The following RNF169 variants were observed in gnomAD, a reference collection of about 807,000 sequenced individuals.
The protein encoded by RNF169 is E3 ubiquitin-protein ligase RNF169.
A neutral mutation model predicts 53.9 loss-of-function variants in RNF169; 24 were observed. That is an observed-to-expected ratio of 0.45 (90% CI 0.32 to 0.63). RNF169 has a LOEUF of 0.63. RNF169 is among the 20% of genes least tolerant of loss of function. RNF169 has a pLI of 0.04. For synonymous variants in RNF169, 396 were observed against 363.5 expected, an observed-to-expected ratio of 1.09 and a Z score of -1.02; for missense variants, 883 against 906.2, an observed-to-expected ratio of 0.97 and a Z score of 0.33.
intron 1 of RNF169, among the ~76,000 whole-genome samples, chr11:74,765,238 A>G (rs1402684121): frequency 6.6e-6 from 1 of 152,160 alleles, no homozygotes; most frequent in Non-Finnish European, 1.5e-5. Context: ...GAAAAGAAAT[A>G]CAATATATAA....
rs2036265509 is a variant in RNF169, at chr11:74,836,867, T to A, written c.*137T>A. 6 of 664,562 alleles carry A rather than the reference T, an allele frequency of 9.0e-6. No individual in the cohort carries two copies. In the East Asian group the frequency reaches 1.7e-4, roughly 19 times the overall value. The allele number at this position is 664,562 out of a possible 1,614,324, so 41.2% of individuals were successfully genotyped here. A position where few individuals can be genotyped will look rare whatever the true frequency, so the allele number is the denominator to read the frequency against. On this transcript the variant is annotated 3_prime_UTR_variant, in exon 6 of 6. Transcript: ENST00000299563. ...ATGGTTCTGAGAGGTTCCAGGGCCT[T>A]TGTAGTCAATATCCAAGGGAAAAGC... is the stretch of plus-strand genomic sequence containing the variant.
chr11:74,788,406 T>G (rs2035535321), intron 1 of RNF169, among the ~76,000 whole-genome samples: 1 of 152,162 alleles, frequency 6.6e-6, no homozygotes, highest in African/African-American at 2.4e-5. Context: ...TTGATTTTTG[T>G]TTTTGAAACA....
chr11:74,781,001 T>A, intron 1 of RNF169, among the ~76,000 whole-genome samples: 1 of 152,212 alleles, frequency 6.6e-6, no homozygotes, highest in East Asian at 1.9e-4. Context: ...CCCCGCTACC[T>A]AGCTCCCAGG....
At chr11:74,772,699 G>T (rs2035278104) in intron 1 of RNF169, among the ~76,000 whole-genome samples, 1 of 152,064 alleles carries the variant, frequency 6.6e-6, no homozygotes, top group Admixed American at 6.5e-5. Flanking sequence ...AAGGATTGTT[G>T]TAAGGTTTAA....
intron 2 of RNF169, among the ~76,000 whole-genome samples, chr11:74,802,246 A>AGT (rs1375543540): frequency 3.9e-5 from 6 of 152,236 alleles, no homozygotes; most frequent in Non-Finnish European, 7.3e-5. Flanking sequence ...TACCTTTTAC[A>AGT]GTGGAATTGA....
chr11:74,822,305 T>C (rs2036023761), intron 4 of RNF169, among the ~76,000 whole-genome samples: 2 of 152,196 alleles, frequency 1.3e-5, no homozygotes, highest in African/African-American at 4.8e-5. Flanking sequence ...AAGCATTAAA[T>C]CTTCTAGCTT....
intron 2 of RNF169, among the ~76,000 whole-genome samples, chr11:74,807,461 C>A (rs995038097): frequency 2.6e-4 from 40 of 152,172 alleles, no homozygotes; most frequent in African/African-American, 9.7e-4. Context: ...CATGCATAAA[C>A]CTTCTCAGAC....
At position 74,839,149 on chromosome 11, in the gene RNF169, C is replaced by CTT. The variant is rs2036302908; in HGVS notation, c.*2420_*2421dup. 6.6e-6 allele frequency: 1 copy of CTT among 152,154 alleles called. No homozygotes were observed. The highest frequency in any genetic ancestry group is 6.5e-5 in the Admixed American group (1 of 15,270). The allele number at this position is 152,154 out of a possible 1,614,324, so 9.4% of individuals were successfully genotyped here. ...CAAATAGTCCAAACTCTAGGTCCAGCTTACTGCCTTCCCCCCTTGTACCTA... is the reference window on the plus strand; with the variant it reads ...CAAATAGTCCAAACTCTAGGTCCAGCTTTTACTGCCTTCCCCCCTTGTACCTA... On this transcript the variant is annotated 3_prime_UTR_variant, in exon 6 of 6. Coordinates refer to ENST00000299563, the MANE Select transcript of RNF169 (RefSeq NM_001098638.2).
At chr11:74,785,223 T>C (rs1231623325) in intron 1 of RNF169, among the ~76,000 whole-genome samples, 7 of 101,230 alleles carry the variant, frequency 6.9e-5, no homozygotes, top group South Asian at 3.0e-4. Context: ...ATATATATGT[T>C]ATATATATTA....
At chr11:74,765,144 G>C (rs1447701022) in intron 1 of RNF169, among the ~76,000 whole-genome samples, 2 of 152,182 alleles carry the variant, frequency 1.3e-5, no homozygotes, top group Non-Finnish European at 2.9e-5. Context: ...AGGAGGTCAA[G>C]ACTGCAGTAA....
intron 4 of RNF169, among the ~76,000 whole-genome samples, chr11:74,825,058 T>C (rs900263398): frequency 6.6e-6 from 1 of 152,196 alleles, no homozygotes; most frequent in African/African-American, 2.4e-5. Flanking sequence ...GGAGTAACTA[T>C]ACTAATATCA....
At chr11:74,827,575 A>G (rs2036116854) in intron 4 of RNF169, among the ~76,000 whole-genome samples, 1 of 152,212 alleles carries the variant, frequency 6.6e-6, no homozygotes, top group African/African-American at 2.4e-5. Flanking sequence ...TTCCAATTCC[A>G]GACCATCTCT....
chr11:74,789,272 GA>G (rs971563856), intron 1 of RNF169, among the ~76,000 whole-genome samples: 1 of 152,034 alleles, frequency 6.6e-6, no homozygotes, highest in African/African-American at 2.4e-5. Flanking sequence ...GAAATGCAGG[GA>G]AAAAAATAAG....
chr11:74,827,344 C>T (rs953989219), intron 4 of RNF169, among the ~76,000 whole-genome samples: 5 of 152,336 alleles, frequency 3.3e-5, no homozygotes, highest in Admixed American at 1.3e-4. Flanking sequence ...GCCCAGCCCA[C>T]GAAACCATTT....
rs1336784962 is a variant in RNF169 at position 74,749,283 on chromosome 11, C to T, written c.403C>T (p.Arg135Cys). 1.7e-6 allele frequency: 2 copies of T among 1,157,490 alleles called. No individual in the cohort carries two copies. The highest frequency in any genetic ancestry group is 2.1e-6 in the Non-Finnish European group (2 of 941,174). 71.7% of individuals were successfully genotyped at this position (1,157,490 alleles called of 1,614,324 possible). ...DSEVLGECAR[R>C]SQPERCRPRR... The stretch of plus-strand genomic sequence containing the variant: ...AGAGGTGCTGGGCGAGTGCGCCCGC[C>T]GCAGCCAACCCGAGCGCTGCCGCCC... The change falls in exon 1 of 6, where the codon CGC becomes TGC. Residue 135 changes from arginine (R) to cysteine (C), a missense_variant. Transcript: ENST00000299563.
intron 2 of RNF169, among the ~76,000 whole-genome samples, chr11:74,790,629 A>G (rs1206576584): frequency 6.6e-6 from 1 of 152,144 alleles, no homozygotes; most frequent in Non-Finnish European, 1.5e-5. Flanking sequence ...AGCCAGGTGC[A>G]GAGGGGAGGG....
At chr11:74,775,024 A>G (rs956053139) in intron 1 of RNF169, among the ~76,000 whole-genome samples, 2 of 152,202 alleles carry the variant, frequency 1.3e-5, no homozygotes, top group South Asian at 4.1e-4. Flanking sequence ...CATTTAGACA[A>G]TTCTTTGGAG....
intron 1 of RNF169, among the ~76,000 whole-genome samples, chr11:74,759,263 A>G (rs945190084): frequency 1.4e-5 from 2 of 142,466 alleles, no homozygotes; most frequent in African/African-American, 5.2e-5. Flanking sequence ...AAACAGGGAC[A>G]ATTTGACTTC....
intron 1 of RNF169, among the ~76,000 whole-genome samples, chr11:74,753,524 G>GCT (rs1565167840): frequency 5.3e-5 from 8 of 152,070 alleles, no homozygotes; most frequent in Non-Finnish European, 1.2e-4. Flanking sequence ...AAGTAATTAT[G>GCT]GTTTTTGCCA....
Sources: allele counts gnomAD v4.1 joint callset (sites outside exome capture counted in the v4.1 genomes callset), GRCh38; gene constraint gnomAD v4.1.1; transcripts MANE v1.5; gene names NCBI Gene and HGNC (gene_info 2026-07-23, HGNC 2026-07-21).